COL11A2: variants seen among roughly 807,000 people sequenced by gnomAD.
The protein encoded by COL11A2 is collagen type XI alpha 2 chain.
COL11A2 carries 116 observed loss-of-function variants against 273.4 expected under a neutral mutation model. The ratio of observed to expected loss-of-function variants is 0.42; its 90% CI spans 0.36 to 0.49. COL11A2 has a LOEUF of 0.49. COL11A2 is among the 20% of genes least tolerant of loss of function. The pLI is 0.00. For missense variants in COL11A2, 1,866 were observed against 2,309.0 expected (o/e 0.81, Z 3.93); for synonymous variants, 782 against 864.2 (o/e 0.90, Z 1.67).
At position 33,192,425 on chromosome 6, in the gene COL11A2, G is replaced by A. The variant is rs1773254155; in HGVS notation, c.-185C>T. The A allele has an allele frequency of 6.3e-6, 4 of 638,982 alleles. No homozygotes were observed. The highest frequency in any genetic ancestry group is 3.6e-5 in the South Asian group (2 of 55,158). 39.6% of individuals were successfully genotyped at this position (638,982 alleles called of 1,614,324 possible). A position where few individuals can be genotyped will look rare whatever the true frequency, so the allele number is the denominator to read the frequency against. ...CTCCATGCAGCAAGGCGCCGTCGGG[G>A]CTCCCGGCACTGCTCCCTCCTCGGT... On this transcript the variant is annotated 5_prime_UTR_variant, in exon 1 of 66. Coordinates refer to ENST00000341947, the MANE Select transcript of COL11A2 (RefSeq NM_080680.3).
chr6:33,188,856 A>T (rs1173183746), intron 3 of COL11A2, 122 bp downstream of exon 3: 2 of 1,131,626 alleles, frequency 1.8e-6, no homozygotes, highest in Non-Finnish European at 2.7e-6. Flanking sequence ...AAGTTTGGGC[A>T]GTGGGTAGGT....
At chr6:33,191,198 G>GCC (rs1007966451) in intron 1 of COL11A2, among the ~76,000 whole-genome samples, 1 of 152,132 alleles carries the variant, frequency 6.6e-6, no homozygotes, top group African/African-American at 2.4e-5. Context: ...CAATTTCCTG[G>GCC]CCCTGGGCTT....
At position 33,166,832 on chromosome 6, in the gene COL11A2, A is replaced by G. The variant is rs1289332068; in HGVS notation, c.4231-5T>C. The G allele has an allele frequency of 1.9e-5, 31 of 1,613,122 alleles. No individual in the cohort carries two copies. The highest frequency in any genetic ancestry group is 2.2e-5 in the Non-Finnish European group (26 of 1,179,870). Reference sequence around the variant, plus strand: ...TCCAATGAGACCTGGGTGGCCCTAGAGAAGGGTGCAGGCAGTCAAGAGAAT... The same window carrying G: ...TCCAATGAGACCTGGGTGGCCCTAGGGAAGGGTGCAGGCAGTCAAGAGAAT... On this transcript the variant is annotated splice_region_variant and splice_polypyrimidine_tract_variant and intron_variant, in intron 58 of 65. Coordinates refer to ENST00000341947, the MANE Select transcript of COL11A2 (RefSeq NM_080680.3). The surrounding 1 kb of genome is among the most constrained non-coding windows in gnomAD (Gnocchi z 4.8).
rs1768704677 is a variant in COL11A2 at position 33,163,926 on chromosome 6, G to A, written c.5071-108C>T. On this transcript the variant is annotated intron_variant, in intron 65 of 65. Transcript: ENST00000341947. The surrounding 1 kb of genome is among the most constrained non-coding windows in gnomAD (Gnocchi z 4.1). ...CTCTGAGCACCTTGGCCCCATCAGGGTGACTCAGGATGTACAGACTGGCAG... is the reference window on the plus strand; with the variant it reads ...CTCTGAGCACCTTGGCCCCATCAGGATGACTCAGGATGTACAGACTGGCAG... 1.3e-6 allele frequency: 2 copies of A among 1,531,716 alleles called. No individual in the cohort carries two copies. Among genetic ancestry groups the A allele is most frequent in the East Asian group, 2.3e-5 (1 of 44,028 alleles). The allele number at this position is 1,531,716 out of a possible 1,614,324, so 94.9% of individuals were successfully genotyped here. A position where few individuals can be genotyped will look rare whatever the true frequency, so the allele number is the denominator to read the frequency against.
rs761443512 is a variant in COL11A2 at position 33,176,980 on chromosome 6, G to T, written c.2070+12C>A. On this transcript the variant is annotated intron_variant, in intron 25 of 65. Coordinates refer to ENST00000341947, the MANE Select transcript of COL11A2 (RefSeq NM_080680.3). The surrounding 1 kb of genome is among the most constrained non-coding windows in gnomAD (Gnocchi z 4.9). Reference sequence around the variant, plus strand: ...CAAGGGGAACTGGATTCGGAAGTGGGGTCCCACTCACCGGGGGTCCGTCTG... The same window carrying T: ...CAAGGGGAACTGGATTCGGAAGTGGTGTCCCACTCACCGGGGGTCCGTCTG... 1.2e-6 allele frequency: 2 copies of T among 1,609,536 alleles called. No individual in the cohort carries two copies. The highest frequency in any genetic ancestry group is 1.7e-6 in the Non-Finnish European group (2 of 1,178,256).
chr6:33,172,559 G>C lies in COL11A2; in HGVS notation c.2869C>G (p.Pro957Ala). Residue 957 changes from proline to alanine, a missense_variant, in exon 39 of 66, where the codon CCT becomes GCT. Physicochemically the swap from Pro to Ala is conservative, Grantham distance 27. Coordinates refer to ENST00000341947, the MANE Select transcript of COL11A2 (RefSeq NM_080680.3). ...PPGPPGEQGL[P>A]GTAGKEGTKG... is the part of the protein sequence containing the mutation. ...GTTCCTTCTTTTCCAGCTGTCCCAG[G>C]TAGTCCCTGCTCTCCAGGGGGCCCC... 1 of 1,612,536 alleles carries C rather than the reference G, an allele frequency of 6.2e-7. No individual in the cohort carries two copies. The highest frequency in any genetic ancestry group is 8.5e-7 in the Non-Finnish European group (1 of 1,179,900).
In COL11A2 at chr6:33,167,793, C is replaced by T; in HGVS notation, c.4014+6G>A. ...TGCTCCAGCACTAGGGCAGCCTGTC[C>T]CTCACCTTGGCTCCCTTCCCTCCTT... On this transcript the variant is annotated splice_donor_region_variant and intron_variant, in intron 55 of 65. Coordinates refer to ENST00000341947, the MANE Select transcript of COL11A2 (RefSeq NM_080680.3). This position sits in a 1 kb window ranked among gnomAD's most constrained non-coding sequence, Gnocchi z 6.1. 1 of 1,612,824 alleles carries T rather than the reference C, an allele frequency of 6.2e-7. No homozygotes were observed. Among genetic ancestry groups the T allele is most frequent in the Non-Finnish European group, 8.5e-7 (1 of 1,179,928 alleles).
rs1769807105 is a variant in COL11A2 at position 33,170,071 on chromosome 6, C to T, written c.3612G>A (p.Gly1204=). The T allele has an allele frequency of 6.2e-7, 1 of 1,613,044 alleles. No individual in the cohort carries two copies. Among genetic ancestry groups the T allele is most frequent in the South Asian group, 1.1e-5 (1 of 91,070 alleles). The change falls in exon 49 of 66, where the codon GGG becomes GGA. Residue 1204 remains glycine (G), a synonymous_variant. Transcript: ENST00000341947. This position sits in a 1 kb window ranked among gnomAD's most constrained non-coding sequence, Gnocchi z 4.3. ...DGPQGPPGGV[G]NLGPPGEKGE... The stretch of plus-strand genomic sequence containing the variant: ...CCTTCTCTCCAGGGGGACCCAGGTT[C>T]CCAACACCTCCTGGGGGACCTTGTG...
At chr6:33,183,955 T>C (rs1772038486) in intron 8 of COL11A2, among the ~76,000 whole-genome samples, 190 bp downstream of exon 8, 1 of 151,840 alleles carries the variant, frequency 6.6e-6, no homozygotes, top group South Asian at 2.1e-4. Flanking sequence ...AGTCACAAGG[T>C]AAGACATTTG....
intron 30 of COL11A2, 183 bp downstream of exon 30, chr6:33,175,391 A>G: frequency 1.4e-6 from 1 of 699,710 alleles, no homozygotes; most frequent in Admixed American, 2.0e-5. Context: ...CTTTTCCCTG[A>G]CTTCTTATAT....
At position 33,174,223 on chromosome 6, in the gene COL11A2, T is replaced by G. The variant is rs749619729; in HGVS notation, c.2431-5A>C. 6.4e-7 allele frequency: 1 copy of G among 1,558,734 alleles called. No homozygotes were observed. The highest frequency in any genetic ancestry group is 8.7e-7 in the Non-Finnish European group (1 of 1,152,332). On this transcript the variant is annotated splice_region_variant and splice_polypyrimidine_tract_variant and intron_variant, in intron 31 of 65. Coordinates refer to ENST00000341947, the MANE Select transcript of COL11A2 (RefSeq NM_080680.3). ...GCCAGGAAATCCTAGGGACCCCTGG[T>G]GAGAACGGAGAAGGGGGGAAATTGA...
chr6:33,180,405 A>G, intron 11 of COL11A2, 73 bp from the exon 12 acceptor site: 1 of 1,312,412 alleles, frequency 7.6e-7, no homozygotes, highest in Non-Finnish European at 1.1e-6. Context: ...TGATTTTGAA[A>G]TATCCTCTTC....
intron 4 of COL11A2, among the ~76,000 whole-genome samples, chr6:33,188,117 T>C (rs927221055): frequency 2.6e-5 from 4 of 151,356 alleles, no homozygotes; most frequent in Non-Finnish European, 5.9e-5. Flanking sequence ...AAAGGATGGA[T>C]GGATGAGGGA....
In COL11A2 at chr6:33,171,444, C is replaced by T. The variant is rs754347163; in HGVS notation, c.3258+23G>A. 2.7e-5 allele frequency: 43 copies of T among 1,611,182 alleles called. No individual in the cohort carries two copies. The South Asian group carries it at 3.1e-4, about 12-fold the overall frequency. On this transcript the variant is annotated intron_variant, in intron 43 of 65. Coordinates refer to ENST00000341947, the MANE Select transcript of COL11A2 (RefSeq NM_080680.3). ...CATCTCATCTGGAAAGAAGATTGGT[C>T]GGGGTCTGTGGGGTCCCCTCACCTT...
In COL11A2 at chr6:33,179,356, G is replaced by T; in HGVS notation, c.1504-72C>A. On this transcript the variant is annotated intron_variant, in intron 14 of 65. Transcript: ENST00000341947. The surrounding 1 kb of genome is among the most constrained non-coding windows in gnomAD (Gnocchi z 6.4). Reference sequence around the variant, plus strand: ...AGTGGCCTCGGAGTGTTCCCCAAAAGAAGCCCCTTTCCAGAACTATCCACA... The same window carrying T: ...AGTGGCCTCGGAGTGTTCCCCAAAATAAGCCCCTTTCCAGAACTATCCACA... The T allele has an allele frequency of 6.3e-7, 1 of 1,576,648 alleles. No individual in the cohort carries two copies. Among genetic ancestry groups the T allele is most frequent in the Non-Finnish European group, 8.6e-7 (1 of 1,161,490 alleles).
chr6:33,188,425 T>C lies in COL11A2; in HGVS notation c.543A>G (p.Pro181=). 6.2e-7 allele frequency: 1 copy of C among 1,613,026 alleles called. No individual in the cohort carries two copies. The highest frequency in any genetic ancestry group is 8.5e-7 in the Non-Finnish European group (1 of 1,180,024). Residue 181 remains proline (P), a synonymous_variant, in exon 4 of 66, where the codon CCA becomes CCG. Coordinates refer to ENST00000341947, the MANE Select transcript of COL11A2 (RefSeq NM_080680.3). ...TGATCACTCCATGGGTGTCCAATAC[T>C]GGACGAGCACTTCGGGGGAGAGGCC... is the stretch of plus-strand genomic sequence containing the variant. The part of the protein sequence containing the change: ...VTRPLPRSAR[P]VLDTHGVIIF...
chr6:33,187,714 G>A lies in COL11A2; in HGVS notation c.606+648C>T, dbSNP rs942863587. ...AACTTATGTGGGTGAATGACTGGTC[G>A]GATGGGAAGTAAGTGGGTCAGGAGA... On this transcript the variant is annotated intron_variant, in intron 4 of 65. Coordinates refer to ENST00000341947, the MANE Select transcript of COL11A2 (RefSeq NM_080680.3). Among the ~76,000 whole-genome samples, 10 of 152,172 alleles carry A rather than the reference G, an allele frequency of 6.6e-5. No individual in the cohort carries two copies. The South Asian group carries it at 8.3e-4, about 13-fold the overall frequency.
Position 33,166,146 on chromosome 6 carries a change from G to C in COL11A2, c.4428+25C>G, listed in dbSNP as rs757688682. On this transcript the variant is annotated intron_variant, in intron 61 of 65. Transcript: ENST00000341947. The surrounding 1 kb of genome is among the most constrained non-coding windows in gnomAD (Gnocchi z 4.8). The stretch of plus-strand genomic sequence containing the variant: ...CAAGTCCAGAGGGGGTGGAGCAAAG[G>C]TCAGAGCTGAAGGGGGTCACTCACT... 1 of 1,608,574 alleles carries C rather than the reference G, an allele frequency of 6.2e-7. No homozygotes were observed. The highest frequency in any genetic ancestry group is 8.5e-7 in the Non-Finnish European group (1 of 1,177,864).
chr6:33,167,338 C>G lies in COL11A2; in HGVS notation c.4123-21G>C. On this transcript the variant is annotated intron_variant, in intron 56 of 65. Coordinates refer to ENST00000341947, the MANE Select transcript of COL11A2 (RefSeq NM_080680.3). This position sits in a 1 kb window ranked among gnomAD's most constrained non-coding sequence, Gnocchi z 6.1. ...TGACCCTGAAGATTTGAGGGGGCCA[C>G]AGGGGTCAGGAGGAGCATCCCCACA... 6.2e-7 allele frequency: 1 copy of G among 1,613,298 alleles called. No homozygotes were observed. The highest frequency in any genetic ancestry group is 1.3e-5 in the African/African-American group (1 of 75,034).
Sources: gnomAD v4.1 joint callset for allele counts (sites outside exome capture counted in the v4.1 genomes callset) on GRCh38, gnomAD v4.1.1 for gene constraint, Gnocchi (gnomAD v3.1) non-coding constraint, MANE v1.5 for transcripts, NCBI Gene and HGNC (gene_info 2026-07-23, HGNC 2026-07-21) for gene names.